Variants in RNF41 observed in about 807,000 individuals in gnomAD.
The protein encoded by RNF41 is E3 ubiquitin-protein ligase NRDP1.
Under a neutral mutation model 33.0 loss-of-function variants are expected in RNF41, and 4 were observed. The ratio of observed to expected loss-of-function variants is 0.12; its 90% CI spans 0.06 to 0.28. The LOEUF (loss-of-function observed/expected upper bound fraction) is 0.28. Among genes scored for constraint, RNF41 ranks in the 10% least tolerant of loss-of-function variants. RNF41 has a pLI of 1.00. For synonymous variants in RNF41, 164 were observed against 153.2 expected, an observed-to-expected ratio of 1.07 and a Z score of -0.52; for missense variants, 228 against 432.6, an observed-to-expected ratio of 0.53 and a Z score of 4.19.
At chr12:56,216,078 T>C (rs1175117561) in intron 2 of RNF41, among the ~76,000 whole-genome samples, 6 of 151,142 alleles carry the variant, frequency 4.0e-5, no homozygotes, top group Non-Finnish European at 8.8e-5. Context: ...GCTGAGATCA[T>C]GCCACTGCAC....
chr12:56,214,070 C>T lies in RNF41; in HGVS notation c.-23G>A, dbSNP rs1322651071. ...CATGTCTCATCACTGAAACCCAGGT[C>T]CTGAAAGGACAACAGGAAAAAGAGG... On this transcript the variant is annotated splice_region_variant and 5_prime_UTR_variant, in exon 3 of 7. Transcript: ENST00000345093. The T allele has an allele frequency of 6.5e-7, 1 of 1,548,236 alleles. No individual in the cohort carries two copies. The highest frequency in any genetic ancestry group is 1.1e-5 in the South Asian group (1 of 89,718).
rs1185301155 is a variant in RNF41 at position 56,205,400 on chromosome 12, C to T, written c.*1047G>A. ...AAAAAATATAAAACACACCCCCATCCCTGTCCCACCCTATCCAGAACCCCC... is the reference window on the plus strand; with the variant it reads ...AAAAAATATAAAACACACCCCCATCTCTGTCCCACCCTATCCAGAACCCCC... On this transcript the variant is annotated 3_prime_UTR_variant, in exon 7 of 7. Coordinates refer to ENST00000345093, the MANE Select transcript of RNF41 (RefSeq NM_005785.4). 1 of 151,890 alleles carries T rather than the reference C, an allele frequency of 6.6e-6. No homozygotes were observed. The highest frequency in any genetic ancestry group is 2.4e-5 in the African/African-American group (1 of 41,304). The allele number at this position is 151,890 out of a possible 1,614,324, so 9.4% of individuals were successfully genotyped here. A position where few individuals can be genotyped will look rare whatever the true frequency, so the allele number is the denominator to read the frequency against.
At chr12:56,208,781 G>T (rs770015364) in intron 4 of RNF41, among the ~76,000 whole-genome samples, 3 of 151,418 alleles carry the variant, frequency 2.0e-5, no homozygotes, top group Non-Finnish European at 4.4e-5. Context: ...AGCCAGGCTG[G>T]TCTCAAACTC....
chr12:56,206,495 T>C lies in RNF41; in HGVS notation c.906A>G (p.Gln302=), dbSNP rs1868267020. ...CAAATATCATGACAAGGCCTGGCTC[T>C]TGCACCATGTCATCCCCCATGTGCT... The part of the protein sequence containing the change: ...ENQHMGDDMV[Q]EPGLVMIFAH... The change falls in exon 7 of 7, where the codon CAA becomes CAG. Residue 302 remains glutamine (Q), a synonymous_variant. Coordinates refer to ENST00000345093, the MANE Select transcript of RNF41 (RefSeq NM_005785.4). This position sits in a 1 kb window ranked among gnomAD's most constrained non-coding sequence, Gnocchi z 5.7. 2.5e-6 allele frequency: 4 copies of C among 1,614,088 alleles called. No homozygotes were observed. Among genetic ancestry groups the C allele is most frequent in the Admixed American group, 3.3e-5 (2 of 60,008 alleles).
In RNF41 at chr12:56,206,132, ATC is replaced by A. The variant is rs1366901460; in HGVS notation, c.*313_*314del. On this transcript the variant is annotated 3_prime_UTR_variant, in exon 7 of 7. Coordinates refer to ENST00000345093, the MANE Select transcript of RNF41 (RefSeq NM_005785.4). The surrounding 1 kb of genome is among the most constrained non-coding windows in gnomAD (Gnocchi z 5.7). Reference sequence around the variant, plus strand: ...TGTCCTGATCCTCCAGGGAAATTGAATCTCTTTGTGCTTTCTGAAAATAACTG... The same window carrying A: ...TGTCCTGATCCTCCAGGGAAATTGAATCTTTGTGCTTTCTGAAAATAACTG... 3.3e-6 allele frequency: 1 copy of A among 299,892 alleles called. No homozygotes were observed. The highest frequency in any genetic ancestry group is 6.2e-6 in the Non-Finnish European group (1 of 160,216). The allele number at this position is 299,892 out of a possible 1,614,324, so 18.6% of individuals were successfully genotyped here. A position where few individuals can be genotyped will look rare whatever the true frequency, so the allele number is the denominator to read the frequency against.
intron 1 of RNF41, among the ~76,000 whole-genome samples, chr12:56,221,312 G>A (rs911547972): frequency 7.2e-5 from 11 of 152,150 alleles, no homozygotes; most frequent in Admixed American, 3.3e-4. Flanking sequence ...GGAATGAGAG[G>A]ACAAGGCTGC....
At chr12:56,216,994 G>C (rs1267925203) in intron 1 of RNF41, among the ~76,000 whole-genome samples, 1 of 151,876 alleles carries the variant, frequency 6.6e-6, no homozygotes, top group Admixed American at 6.6e-5. Flanking sequence ...CAAAAAATTA[G>C]CTGGGCGAGG....
At chr12:56,218,828 C>G (rs1232944353) in intron 1 of RNF41, among the ~76,000 whole-genome samples, 3 of 151,634 alleles carry the variant, frequency 2.0e-5, no homozygotes, top group Non-Finnish European at 4.4e-5. Context: ...CTCATCCTCC[C>G]AAGTAGCTGG....
chr12:56,219,756 C>T (rs905448332), intron 1 of RNF41, among the ~76,000 whole-genome samples: 64 of 151,434 alleles, frequency 4.2e-4, no homozygotes, highest in African/African-American at 1.5e-3. Flanking sequence ...GGCTCACACC[C>T]GTAATCCCAG....
At position 56,206,929 on chromosome 12, in the gene RNF41, G is replaced by T; in HGVS notation, c.603-131C>A. The T allele has an allele frequency of 1.1e-6, 1 of 935,406 alleles. No homozygotes were observed. Among genetic ancestry groups the T allele is most frequent in the Non-Finnish European group, 1.6e-6 (1 of 642,066 alleles). 57.9% of individuals were successfully genotyped at this position (935,406 alleles called of 1,614,324 possible). On this transcript the variant is annotated intron_variant, in intron 6 of 6. Transcript: ENST00000345093. This position sits in a 1 kb window ranked among gnomAD's most constrained non-coding sequence, Gnocchi z 5.7. ...TTCTTCCTTCTTTCCTTCCATCATT[G>T]GCTCAGAAACCCCAAATCTTTCCCC...
In RNF41 at chr12:56,205,567, A is replaced by G. The variant is rs1270293979; in HGVS notation, c.*880T>C. The stretch of plus-strand genomic sequence containing the variant: ...CATGATCAGGCCATTCTTAAAAAAA[A>G]GAGGGGGGGGGGCAGTAGGTGGAGT... On this transcript the variant is annotated 3_prime_UTR_variant, in exon 7 of 7. Transcript: ENST00000345093. 1 of 131,958 alleles carries G rather than the reference A, an allele frequency of 7.6e-6. No individual in the cohort carries two copies. The highest frequency in any genetic ancestry group is 3.0e-5 in the African/African-American group (1 of 33,486). The allele number at this position is 131,958 out of a possible 1,614,324, so 8.2% of individuals were successfully genotyped here. A position where few individuals can be genotyped will look rare whatever the true frequency, so the allele number is the denominator to read the frequency against.
chr12:56,211,185 G>A (rs1470932274), intron 3 of RNF41, among the ~76,000 whole-genome samples: 3 of 150,622 alleles, frequency 2.0e-5, no homozygotes, highest in East Asian at 3.9e-4. Flanking sequence ...AAAAAAAAAA[G>A]CTGGGCCTGG....
At position 56,205,527 on chromosome 12, in the gene RNF41, T is replaced by C. The variant is rs1307457715; in HGVS notation, c.*920A>G. The stretch of plus-strand genomic sequence containing the variant: ...AGTAAATAAATTAAATTGCCAACAA[T>C]GTGGCTGAGATAGCCATGATCAGGC... On this transcript the variant is annotated 3_prime_UTR_variant, in exon 7 of 7. Coordinates refer to ENST00000345093, the MANE Select transcript of RNF41 (RefSeq NM_005785.4). 7.5e-6 allele frequency: 1 copy of C among 133,212 alleles called. No individual in the cohort carries two copies. Among genetic ancestry groups the C allele is most frequent in the Admixed American group, 7.7e-5 (1 of 12,960 alleles). The allele number at this position is 133,212 out of a possible 1,614,324, so 8.3% of individuals were successfully genotyped here.
rs764763569 is a variant in RNF41 at position 56,210,586 on chromosome 12, G to A, written c.91-18C>T. 6.2e-7 allele frequency: 1 copy of A among 1,606,732 alleles called. No homozygotes were observed. The highest frequency in any genetic ancestry group is 2.2e-5 in the East Asian group (1 of 44,792). ...TGAGGTGCCTAGAAGAGAGAACAAG[G>A]CAAAAGGGGCGCAAGGGAATTAGCA... On this transcript the variant is annotated intron_variant, in intron 3 of 6. Coordinates refer to ENST00000345093, the MANE Select transcript of RNF41 (RefSeq NM_005785.4).
rs556972678 is a variant in RNF41 at position 56,212,888 on chromosome 12, A to G, written c.90+1070T>C. The G allele has an allele frequency of 8.5e-6, 7 of 819,940 alleles. No homozygotes were observed. The Admixed American group carries it at 9.8e-5, about 11-fold the overall frequency. 50.8% of individuals were successfully genotyped at this position (819,940 alleles called of 1,614,324 possible). ...ATGTGATAATCTCTAGATAGCCAGG[A>G]AAGAGAAAGGATTAATTGGTATTTA... On this transcript the variant is annotated intron_variant, in intron 3 of 6. Transcript: ENST00000345093.
chr12:56,218,115 G>A (rs1025888673), intron 1 of RNF41, among the ~76,000 whole-genome samples: 29 of 151,890 alleles, frequency 1.9e-4, no homozygotes, highest in African/African-American at 6.0e-4. Context: ...CACCATGCCC[G>A]GCTAATTTTT....
chr12:56,206,327 A>G lies in RNF41; in HGVS notation c.*120T>C. 1.2e-6 allele frequency: 1 copy of G among 864,516 alleles called. No homozygotes were observed. The highest frequency in any genetic ancestry group is 1.8e-6 in the Non-Finnish European group (1 of 551,712). 53.6% of individuals were successfully genotyped at this position (864,516 alleles called of 1,614,324 possible). On this transcript the variant is annotated 3_prime_UTR_variant, in exon 7 of 7. Coordinates refer to ENST00000345093, the MANE Select transcript of RNF41 (RefSeq NM_005785.4). The surrounding 1 kb of genome is among the most constrained non-coding windows in gnomAD (Gnocchi z 5.7). ...GCCCTTCAGTGCCAGAAGGGCAGGG[A>G]GATGTGTGGCTCAGGTATAAGCCAC...
chr12:56,210,601 G>A (rs756451962), intron 3 of RNF41, 33 bp from the exon 4 acceptor site: 1 of 1,595,522 alleles, frequency 6.3e-7, no homozygotes, highest in Admixed American at 1.7e-5. Context: ...AGGGGCGCAA[G>A]GGAATTAGCA....
At chr12:56,210,255 G>T (rs1217173413) in intron 4 of RNF41, 42 bp downstream of exon 4, 1 of 1,594,142 alleles carries the variant, frequency 6.3e-7, no homozygotes. Flanking sequence ...GCATAAATGA[G>T]ATGGCCCTTA....
Sources: allele counts gnomAD v4.1 joint callset (sites outside exome capture counted in the v4.1 genomes callset), GRCh38; gene constraint gnomAD v4.1.1; non-coding constraint Gnocchi (gnomAD v3.1); transcripts MANE v1.5; gene names NCBI Gene and HGNC (gene_info 2026-07-23, HGNC 2026-07-21).